Variants in ZFHX4 observed in about 807,000 individuals in gnomAD.
ZFHX4 encodes zinc finger homeobox 4.
A neutral mutation model predicts 267.6 loss-of-function variants in ZFHX4; 56 were observed. The ratio of observed to expected loss-of-function variants is 0.21; its 90% CI spans 0.17 to 0.26. ZFHX4 has a LOEUF of 0.26. Among genes scored for constraint, ZFHX4 ranks in the 10% least tolerant of loss-of-function variants. The pLI, the probability that ZFHX4 is intolerant of heterozygous loss-of-function variation, is 1.00. For missense variants in ZFHX4, 4,332 were observed against 4,420.0 expected (o/e 0.98, Z 0.56); for synonymous variants, 1,778 against 1,665.6 (o/e 1.07, Z -1.64).
At chr8:76,774,564 A>G (rs1387923829) in intron 3 of ZFHX4, among the ~76,000 whole-genome samples, 3 of 152,276 alleles carry the variant, frequency 2.0e-5, no homozygotes, top group East Asian at 3.9e-4. Context: ...ATGAGAAATG[A>G]TGTAAAAACC....
intron 3 of ZFHX4, among the ~76,000 whole-genome samples, chr8:76,729,772 C>CATAT (rs1808949618): frequency 1.3e-5 from 2 of 152,258 alleles, no homozygotes; most frequent in Admixed American, 1.3e-4. Context: ...CCCCAAAAGA[C>CATAT]ATATAACAGA....
intron 3 of ZFHX4, among the ~76,000 whole-genome samples, chr8:76,767,507 C>T (rs1810082528): frequency 6.6e-6 from 1 of 152,072 alleles, no homozygotes; most frequent in Admixed American, 6.6e-5. Flanking sequence ...GTATTGAAGT[C>T]ATCTTAGAGA....
intron 4 of ZFHX4, among the ~76,000 whole-genome samples, chr8:76,791,333 G>A (rs775209021): frequency 4.4e-4 from 67 of 152,084 alleles, no homozygotes; most frequent in African/African-American, 6.0e-4. Context: ...GTCCTGGAAC[G>A]TTAGCTGTTT....
intron 3 of ZFHX4, among the ~76,000 whole-genome samples, chr8:76,722,772 T>A (rs1408867318): frequency 2.0e-5 from 3 of 152,050 alleles, no homozygotes; most frequent in Non-Finnish European, 2.9e-5. Context: ...ATTACTCATG[T>A]CTTGTCAGTA....
At position 76,851,902 on chromosome 8, in the gene ZFHX4, A is replaced by G; in HGVS notation, c.4981A>G (p.Lys1661Glu). The G allele has an allele frequency of 6.2e-7, 1 of 1,614,014 alleles. No homozygotes were observed. The highest frequency in any genetic ancestry group is 8.5e-7 in the Non-Finnish European group (1 of 1,179,874). ...DSMSLAAVNS[K>E]DTHLDAKELN... The stretch of plus-strand genomic sequence containing the variant: ...CATGAGTTTAGCAGCTGTAAACAGC[A>G]AAGATACCCATTTAGATGCCAAAGA... Residue 1661 changes from lysine to glutamate, a missense_variant, in exon 10 of 11, where the codon AAA becomes GAA. Lys to Glu is a moderately conservative substitution (Grantham distance 56, BLOSUM62 1). This residue lies in a region of ZFHX4 where 1,371 missense variants were observed against 1,423.1 expected (regional missense o/e 0.96). Coordinates refer to ENST00000651372, the MANE Select transcript of ZFHX4 (RefSeq NM_024721.5).
chr8:76,865,318 CT>C lies in ZFHX4; in HGVS notation c.*754del, dbSNP rs1306206449. The stretch of plus-strand genomic sequence containing the variant: ...GCCAACTCTACCTTCTCACTTTTAC[CT>C]CTGACGTCATTCTTTTTTTCTGAAA... On this transcript the variant is annotated 3_prime_UTR_variant, in exon 11 of 11. Transcript: ENST00000651372. 28 of 152,664 alleles carry C rather than the reference CT, an allele frequency of 1.8e-4. No individual in the cohort carries two copies. Among genetic ancestry groups the C allele is most frequent in the African/African-American group, 6.5e-4 (27 of 41,546 alleles). 9.5% of individuals were successfully genotyped at this position (152,664 alleles called of 1,614,324 possible). A position where few individuals can be genotyped will look rare whatever the true frequency, so the allele number is the denominator to read the frequency against.
intron 4 of ZFHX4, among the ~76,000 whole-genome samples, chr8:76,824,679 C>T (rs1811739880): frequency 6.6e-6 from 1 of 152,122 alleles, no homozygotes; most frequent in Non-Finnish European, 1.5e-5. Context: ...CTCAACCAAT[C>T]CTCCTGCCTC....
At chr8:76,835,311 T>C (rs1812066000) in intron 5 of ZFHX4, among the ~76,000 whole-genome samples, 1 of 143,862 alleles carries the variant, frequency 7.0e-6, no homozygotes, top group Non-Finnish European at 1.5e-5. Context: ...AGCTGCATTA[T>C]ATTCAGATAA....
chr8:76,725,673 C>T (rs11987184), intron 3 of ZFHX4, among the ~76,000 whole-genome samples: 1 of 152,036 alleles, frequency 6.6e-6, no homozygotes, highest in African/African-American at 2.4e-5. Context: ...TTCTTGCCCT[C>T]CCTTATTTTA....
At chr8:76,775,654 C>G (rs567642732) in intron 3 of ZFHX4, among the ~76,000 whole-genome samples, 30 of 152,236 alleles carry the variant, frequency 2.0e-4, no homozygotes, top group African/African-American at 6.3e-4. Flanking sequence ...TTCTTTTAAC[C>G]GGCTCACACC....
At chr8:76,842,059 G>A (rs780646134) in intron 5 of ZFHX4, among the ~76,000 whole-genome samples, 1 of 152,036 alleles carries the variant, frequency 6.6e-6, no homozygotes, top group African/African-American at 2.4e-5. Flanking sequence ...GGGTGATGTG[G>A]TTGTCATAGA....
intron 5 of ZFHX4, among the ~76,000 whole-genome samples, chr8:76,839,768 T>A (rs551587781): frequency 2.6e-5 from 4 of 152,236 alleles, no homozygotes; most frequent in South Asian, 2.1e-4. Context: ...ACATTTAGTT[T>A]TATATATATA....
chr8:76,727,580 C>A (rs1291848158), intron 3 of ZFHX4, among the ~76,000 whole-genome samples: 3 of 152,108 alleles, frequency 2.0e-5, no homozygotes, highest in Non-Finnish European at 4.4e-5. Flanking sequence ...TTAGAGCCTG[C>A]AGGAATACAT....
At chr8:76,752,052 G>A (rs1809627081) in intron 3 of ZFHX4, among the ~76,000 whole-genome samples, 1 of 152,128 alleles carries the variant, frequency 6.6e-6, no homozygotes. Flanking sequence ...GATGAGGTTT[G>A]AGGATGAACC....
intron 3 of ZFHX4, among the ~76,000 whole-genome samples, chr8:76,710,354 A>G (rs1808391416): frequency 1.3e-5 from 2 of 152,208 alleles, no homozygotes; most frequent in South Asian, 2.1e-4. Flanking sequence ...GATTTCAGAA[A>G]CTGTGAATCA....
Position 76,849,703 on chromosome 8 carries a change from G to A in ZFHX4, c.3837G>A (p.Leu1279=), listed in dbSNP as rs1812460827. Residue 1279 remains leucine (L), a synonymous_variant, in exon 8 of 11, where the codon CTG becomes CTA. Coordinates refer to ENST00000651372, the MANE Select transcript of ZFHX4 (RefSeq NM_024721.5). The part of the protein sequence containing the change: ...HSVSPDCVEK[L]LMTVPVPDVM... ...TGTCTCCAGACTGTGTGGAGAAGCT[G>A]CTTATGACAGTAAGGATACCAAATA... The A allele has an allele frequency of 8.1e-6, 13 of 1,613,452 alleles. No individual in the cohort carries two copies. Among genetic ancestry groups the A allele is most frequent in the Non-Finnish European group, 1.1e-5 (13 of 1,179,654 alleles).
intron 4 of ZFHX4, among the ~76,000 whole-genome samples, chr8:76,801,290 TA>T (rs1275007992): frequency 3.3e-5 from 5 of 152,182 alleles, no homozygotes; most frequent in South Asian, 2.1e-4. Context: ...GGTTTAGCCT[TA>T]AAAAAGAAAG....
chr8:76,759,361 G>A (rs1415171296), intron 3 of ZFHX4, among the ~76,000 whole-genome samples: 2 of 152,212 alleles, frequency 1.3e-5, no homozygotes, highest in African/African-American at 4.8e-5. Context: ...TACCTGGGTA[G>A]TTTATTAAGT....
At position 76,713,308 on chromosome 8, in the gene ZFHX4, GATA is replaced by G. The variant is rs1426132079; in HGVS notation, c.3093+5261_3093+5263del. On this transcript the variant is annotated intron_variant, in intron 3 of 10. Coordinates refer to ENST00000651372, the MANE Select transcript of ZFHX4 (RefSeq NM_024721.5). Reference sequence around the variant, plus strand: ...AGATAGATAGATAGATAGATAGATAGATAGATAGATGATAGACAGATAGATAGA... The same window carrying G: ...AGATAGATAGATAGATAGATAGATAGGATAGATGATAGACAGATAGATAGA... Among the ~76,000 whole-genome samples, 11 of 138,816 alleles carry G rather than the reference GATA, an allele frequency of 7.9e-5. No individual in the cohort carries two copies. In the East Asian group the frequency reaches 3.3e-3, roughly 42 times the overall value. 91.1% of individuals were successfully genotyped at this position (138,816 alleles called of 152,430 possible).
Sources: allele counts gnomAD v4.1 joint callset (sites outside exome capture counted in the v4.1 genomes callset), GRCh38; gene constraint gnomAD v4.1.1; regional missense constraint gnomAD v4.1.1; transcripts MANE v1.5; gene names NCBI Gene and HGNC (gene_info 2026-07-23, HGNC 2026-07-21).